RNF150: variants seen among roughly 807,000 people sequenced by gnomAD.
RNF150 encodes the protein ring finger protein 150.
Under a neutral mutation model 39.3 loss-of-function variants are expected in RNF150, and 24 were observed. The ratio of observed to expected loss-of-function variants is 0.61; its 90% CI spans 0.44 to 0.86. RNF150 has a LOEUF of 0.86. Among genes scored for constraint, RNF150 ranks in the 40% least tolerant of loss-of-function variants. RNF150 has a pLI of 0.00. For synonymous variants in RNF150, 255 were observed against 227.3 expected (o/e 1.12, Z -1.10); for missense variants, 502 against 587.8 (o/e 0.85, Z 1.51).
intron 1 of RNF150, among the ~76,000 whole-genome samples, chr4:141,075,003 T>G (rs1235630213): frequency 1.3e-5 from 2 of 152,228 alleles, no homozygotes; most frequent in Non-Finnish European, 2.9e-5. Context: ...TGGAACTCTT[T>G]TGTCTTAAAT....
chr4:141,064,126 T>C (rs1737359357), intron 1 of RNF150, among the ~76,000 whole-genome samples: 1 of 152,144 alleles, frequency 6.6e-6, no homozygotes, highest in South Asian at 2.1e-4. Context: ...TACTTAATAA[T>C]TATAAAACAT....
intron 1 of RNF150, among the ~76,000 whole-genome samples, chr4:140,969,468 G>A (rs959861797): frequency 5.9e-5 from 9 of 152,000 alleles, no homozygotes; most frequent in Admixed American, 5.9e-4. Flanking sequence ...GGCTGCATGT[G>A]GTCTGAGGTT....
intron 4 of RNF150, among the ~76,000 whole-genome samples, chr4:140,928,841 C>T (rs1169922970): frequency 1.3e-5 from 2 of 152,162 alleles, no homozygotes; most frequent in Non-Finnish European, 2.9e-5. Context: ...CCACCGCGCC[C>T]GGCCCTGTAT....
At chr4:140,920,500 C>T (rs1348476976) in intron 5 of RNF150, among the ~76,000 whole-genome samples, 1 of 117,310 alleles carries the variant, frequency 8.5e-6, no homozygotes, top group African/African-American at 3.1e-5. Flanking sequence ...CCATCTCACA[C>T]CAGTTAGAAT....
At chr4:141,005,444 A>G (rs553038555) in intron 1 of RNF150, among the ~76,000 whole-genome samples, 1 of 152,298 alleles carries the variant, frequency 6.6e-6, no homozygotes, top group Admixed American at 6.5e-5. Context: ...CCTACAGATG[A>G]GTCAGAAAAG....
intron 1 of RNF150, among the ~76,000 whole-genome samples, chr4:140,993,765 C>T (rs2111484692): frequency 1.3e-5 from 2 of 152,264 alleles, no homozygotes; most frequent in Middle Eastern, 3.4e-3. Context: ...GGGTTATCTC[C>T]TTTTTCCCCT....
At chr4:140,962,730 G>T (rs1406622439) in intron 2 of RNF150, among the ~76,000 whole-genome samples, 1 of 151,964 alleles carries the variant, frequency 6.6e-6, no homozygotes, top group African/African-American at 2.4e-5. Flanking sequence ...AGGCTCAGCG[G>T]CTTTAAAAGT....
chr4:141,017,445 A>G (rs1372460239), intron 1 of RNF150, among the ~76,000 whole-genome samples: 1 of 152,100 alleles, frequency 6.6e-6, no homozygotes, highest in African/African-American at 2.4e-5. Flanking sequence ...CTCCTCCATC[A>G]TCAACATCCC....
At chr4:141,049,126 T>A (rs1004348836) in intron 1 of RNF150, among the ~76,000 whole-genome samples, 1 of 152,090 alleles carries the variant, frequency 6.6e-6, no homozygotes, top group Non-Finnish European at 1.5e-5. Flanking sequence ...AATAGGGCAA[T>A]AAGAAGAAAC....
At chr4:141,000,038 G>GAA (rs1560679160) in intron 1 of RNF150, among the ~76,000 whole-genome samples, 695 of 54,308 alleles carry the variant, frequency 0.013, 97 homozygotes, top group Middle Eastern at 0.039. Context: ...AGAAGAAGAA[G>GAA]AAGAAGAAGA....
chr4:140,888,775 T>G (rs1578933302), intron 6 of RNF150, among the ~76,000 whole-genome samples: 1 of 152,338 alleles, frequency 6.6e-6, no homozygotes, highest in East Asian at 1.9e-4. Context: ...TAGAGATTAT[T>G]TACTCAATAA....
At chr4:140,869,091 G>A (rs1277030122) in intron 6 of RNF150, among the ~76,000 whole-genome samples, 2 of 152,152 alleles carry the variant, frequency 1.3e-5, no homozygotes, top group African/African-American at 2.4e-5. Flanking sequence ...AACTGGAGAT[G>A]CAAAACTATT....
chr4:141,004,078 C>A (rs1210500921), intron 1 of RNF150, among the ~76,000 whole-genome samples: 1 of 152,126 alleles, frequency 6.6e-6, no homozygotes, highest in Admixed American at 6.5e-5. Context: ...GGTTTCAGTT[C>A]ACTCATTCAA....
intron 1 of RNF150, among the ~76,000 whole-genome samples, chr4:141,116,691 A>G (rs1042673591): frequency 6.6e-6 from 1 of 152,190 alleles, no homozygotes; most frequent in Non-Finnish European, 1.5e-5. Context: ...ACATGCACAC[A>G]TATGTTTATT....
At chr4:141,054,540 C>T (rs985247277) in intron 1 of RNF150, among the ~76,000 whole-genome samples, 1 of 152,022 alleles carries the variant, frequency 6.6e-6, no homozygotes. Context: ...TATACCAAAT[C>T]ACACTTCAGT....
chr4:140,956,056 T>C (rs1464156472), intron 2 of RNF150, among the ~76,000 whole-genome samples: 1 of 152,206 alleles, frequency 6.6e-6, no homozygotes, highest in African/African-American at 2.4e-5. Flanking sequence ...AAAGGCAATA[T>C]TGTTTATGAA....
intron 1 of RNF150, among the ~76,000 whole-genome samples, chr4:141,004,033 T>C (rs965120178): frequency 6.6e-6 from 1 of 152,102 alleles, no homozygotes; most frequent in African/African-American, 2.4e-5. Flanking sequence ...TTCAGTCTAC[T>C]AAAAAAATTA....
intron 1 of RNF150, among the ~76,000 whole-genome samples, chr4:141,072,172 A>G (rs932023107): frequency 3.3e-5 from 5 of 152,144 alleles, no homozygotes; most frequent in African/African-American, 4.8e-5. Context: ...TCCACCTACA[A>G]CCATGCAACA....
At chr4:140,982,455 A>G (rs1035833493) in intron 1 of RNF150, among the ~76,000 whole-genome samples, 1 of 148,694 alleles carries the variant, frequency 6.7e-6, no homozygotes, top group African/African-American at 2.5e-5. Flanking sequence ...GTGTTTTTAT[A>G]TTTATTCTTC....
Sources: gnomAD v4.1 joint callset for allele counts (sites outside exome capture counted in the v4.1 genomes callset) on GRCh38, gnomAD v4.1.1 for gene constraint, MANE v1.5 for transcripts, NCBI Gene and HGNC (gene_info 2026-07-23, HGNC 2026-07-21) for gene names.